Variants in AGAP4 observed in about 807,000 individuals in gnomAD.
The protein encoded by AGAP4 is arf-GAP with GTPase, ANK repeat and PH domain-containing protein 4.
A neutral mutation model predicts 60.7 loss-of-function variants in AGAP4; 13 were observed. The observed-to-expected ratio is 0.21, with a 90% CI of 0.14 to 0.34. The LOEUF (loss-of-function observed/expected upper bound fraction) is 0.34. Among genes scored for constraint, AGAP4 ranks in the 10% least tolerant of loss-of-function variants. The pLI is 1.00. For synonymous variants in AGAP4, 70 were observed against 339.0 expected (o/e 0.21, Z 8.72); for missense variants, 169 against 884.0 (o/e 0.19, Z 10.26).
intron 2 of AGAP4, among the ~76,000 whole-genome samples, chr10:45,845,626 G>T (rs1179202421): frequency 1.8e-5 from 2 of 111,444 alleles, no homozygotes; most frequent in Admixed American, 1.7e-4. Context: ...TTTGTGAGAC[G>T]GAGTCTCGCT....
At chr10:45,830,159 G>C (rs2058708139) in intron 6 of AGAP4, among the ~76,000 whole-genome samples, 1 of 149,292 alleles carries the variant, frequency 6.7e-6, no homozygotes, top group Admixed American at 6.7e-5. Flanking sequence ...CATGAGGTTA[G>C]GTCATCTTAT....
chr10:45,842,917 G>A (rs1408215978), intron 3 of AGAP4, among the ~76,000 whole-genome samples: 62 of 113,524 alleles, frequency 5.5e-4, no homozygotes, highest in African/African-American at 2.4e-3. Context: ...AGTGGGAGGC[G>A]TTTGGGTAAT....
chr10:45,849,710 G>A (rs1175944593), upstream of AGAP4, among the ~76,000 whole-genome samples: 2 of 149,760 alleles, frequency 1.3e-5, no homozygotes, highest in Non-Finnish European at 3.0e-5. Context: ...GCATGATCTT[G>A]GCTCACTGCA....
At chr10:45,853,714 G>C (rs2059110304) in exon 1 of AGAP4, 1 of 1,287,756 alleles carries the variant, frequency 7.8e-7, no homozygotes, top group South Asian at 1.2e-5. Context: ...GCTCCTCTTG[G>C]GCAGAGATCA....
At chr10:45,846,949 G>A (rs1290645216) in intron 1 of AGAP4, among the ~76,000 whole-genome samples, 176 bp downstream of exon 1, 10 of 151,362 alleles carry the variant, frequency 6.6e-5, no homozygotes, top group African/African-American at 2.4e-4. Flanking sequence ...GACTCGGTGG[G>A]GAAATACTAA....
intron 6 of AGAP4, 43 bp downstream of exon 6, chr10:45,831,351 A>C: frequency 6.4e-7 from 1 of 1,569,402 alleles, no homozygotes. Context: ...TATCTTGCAA[A>C]GTACTTAGCT....
intron 5 of AGAP4, 139 bp downstream of exon 5, chr10:45,833,875 CTG>C (rs1329702976): frequency 1.9e-6 from 1 of 515,298 alleles, no homozygotes; most frequent in Non-Finnish European, 3.4e-6. Context: ...AAAAGAGAAA[CTG>C]ATACTTAATA....
chr10:45,842,591 T>C (rs1442773111), intron 3 of AGAP4, among the ~76,000 whole-genome samples: 3 of 148,816 alleles, frequency 2.0e-5, no homozygotes, highest in Admixed American at 1.3e-4. Context: ...GGACATGGTG[T>C]CTGCAGCACA....
intron 3 of AGAP4, among the ~76,000 whole-genome samples, 188 bp from the exon 4 acceptor site, chr10:45,841,875 G>C (rs1309545210): frequency 1.3e-5 from 2 of 151,670 alleles, no homozygotes; most frequent in Non-Finnish European, 2.9e-5. Flanking sequence ...TAAAAACTTA[G>C]ATTTTCATTT....
chr10:45,828,651 A>C (rs1590014340), intron 6 of AGAP4, among the ~76,000 whole-genome samples: 1 of 132,844 alleles, frequency 7.5e-6, no homozygotes, highest in African/African-American at 2.8e-5. Flanking sequence ...GATCCCGAAG[A>C]CCCCTTCCAG....
intron 3 of AGAP4, among the ~76,000 whole-genome samples, chr10:45,842,854 G>T (rs2058941865): frequency 8.2e-6 from 1 of 122,498 alleles, no homozygotes. Context: ...TGGATATGTT[G>T]CCCCTCCAAG....
chr10:45,844,456 G>A lies in AGAP4; in HGVS notation c.293-62C>T, dbSNP rs868938806. The A allele has an allele frequency of 6.3e-5, 100 of 1,591,420 alleles. No individual in the cohort carries two copies. The East Asian group carries it at 1.4e-3, about 22-fold the overall frequency. On this transcript the variant is annotated intron_variant, in intron 2 of 7. Transcript: ENST00000616763. ...ATCATTGATAAAAATTTATCAACTC[G>A]TTTATTCGACTGCTGCATTTAGGCT...
intron 2 of AGAP4, among the ~76,000 whole-genome samples, chr10:45,845,859 C>T (rs1445118526): frequency 3.4e-5 from 3 of 87,306 alleles, no homozygotes; most frequent in African/African-American, 8.9e-5. Flanking sequence ...CCGCCTGCCA[C>T]GGCCTCCCAA....
At chr10:45,848,762 A>G (rs2059039918), upstream of AGAP4, 13 of 152,354 alleles carry the variant, frequency 8.5e-5, no homozygotes, top group Admixed American at 8.5e-4. Flanking sequence ...AAGAGGTTTA[A>G]CTGACTCAGT....
At chr10:45,851,301 A>G (rs1309439742), upstream of AGAP4, among the ~76,000 whole-genome samples, 24 of 152,142 alleles carry the variant, frequency 1.6e-4, no homozygotes, top group Admixed American at 4.6e-4. Context: ...CATATGAATC[A>G]GGAATGGCTG....
chr10:45,830,654 T>G (rs1300887670), intron 6 of AGAP4, among the ~76,000 whole-genome samples: 1 of 126,282 alleles, frequency 7.9e-6, no homozygotes, highest in Admixed American at 7.6e-5. Flanking sequence ...CCCAGCCAAG[T>G]TTTTGTATTT....
intron 6 of AGAP4, among the ~76,000 whole-genome samples, chr10:45,830,582 T>A (rs1224321222): frequency 6.5e-5 from 7 of 107,504 alleles, no homozygotes; most frequent in African/African-American, 2.6e-4. Flanking sequence ...GCCTCCCAAG[T>A]TCAAGCGGTT....
At chr10:45,847,505 C>T, upstream of AGAP4, 2 of 1,524,532 alleles carry the variant, frequency 1.3e-6, no homozygotes, top group Non-Finnish European at 1.7e-6. Flanking sequence ...CCAGCCCTGG[C>T]CCTGGCCCTG....
chr10:45,832,037 G>A (rs1554897226), intron 5 of AGAP4, among the ~76,000 whole-genome samples: 1 of 135,166 alleles, frequency 7.4e-6, no homozygotes, highest in African/African-American at 2.7e-5. Context: ...AGCCTCCCAA[G>A]TGGCTGGGAT....
Sources: gnomAD v4.1 joint callset for allele counts (sites outside exome capture counted in the v4.1 genomes callset) on GRCh38, gnomAD v4.1.1 for gene constraint, MANE v1.5 for transcripts, NCBI Gene and HGNC (gene_info 2026-07-23, HGNC 2026-07-21) for gene names.